Variants in CDK14 observed in about 807,000 individuals in gnomAD.
The protein encoded by CDK14 is cyclin dependent kinase 14, also known as cyclin-dependent kinase 14.
CDK14 carries 34 observed loss-of-function variants against 60.7 expected under a neutral mutation model. That is an observed-to-expected ratio of 0.56 (90% CI 0.43 to 0.75). The LOEUF is 0.75. CDK14 is among the 30% of genes least tolerant of loss of function. The probability of loss-of-function intolerance (pLI) is 0.00; values close to 1 mark genes in which losing one functional copy is unlikely to be tolerated. For missense variants in CDK14, 482 were observed against 564.1 expected, an observed-to-expected ratio of 0.85 and a Z score of 1.47; for synonymous variants, 197 against 203.7, an observed-to-expected ratio of 0.97 and a Z score of 0.28.
At chr7:90,964,240 C>T (rs140239074) in intron 9 of CDK14, among the ~76,000 whole-genome samples, 2 of 152,186 alleles carry the variant, frequency 1.3e-5, no homozygotes, top group Non-Finnish European at 2.9e-5. Context: ...TCCTTCGTGG[C>T]CTTCCCCAGC....
At chr7:90,989,254 A>G (rs1795466112) in intron 10 of CDK14, among the ~76,000 whole-genome samples, 1 of 152,134 alleles carries the variant, frequency 6.6e-6, no homozygotes, top group Non-Finnish European at 1.5e-5. Flanking sequence ...GTAGAATGTA[A>G]GGGAAAGCTG....
At chr7:90,811,760 C>T (rs1789128135) in intron 5 of CDK14, among the ~76,000 whole-genome samples, 1 of 151,860 alleles carries the variant, frequency 6.6e-6, no homozygotes, top group African/African-American at 2.4e-5. Flanking sequence ...TGAACTCAAA[C>T]AAATTTACAA....
chr7:90,778,845 G>A (rs76085689), intron 4 of CDK14, among the ~76,000 whole-genome samples: 1 of 117,660 alleles, frequency 8.5e-6, no homozygotes, highest in South Asian at 2.7e-4. Flanking sequence ...AAAATTGACC[G>A]ACCTTCCTTC....
chr7:91,200,026 C>T (rs1398221207), intron 14 of CDK14, among the ~76,000 whole-genome samples: 1 of 152,184 alleles, frequency 6.6e-6, no homozygotes, highest in East Asian at 1.9e-4. Flanking sequence ...TTTCCTCCAA[C>T]TCCTACCCCC....
intron 2 of CDK14, among the ~76,000 whole-genome samples, chr7:90,608,220 T>G (rs765218197): frequency 6.6e-6 from 1 of 152,230 alleles, no homozygotes; most frequent in Non-Finnish European, 1.5e-5. Flanking sequence ...TTTCCTGGAA[T>G]AATGAACAAT....
At chr7:90,960,311 A>G (rs1276348881) in intron 9 of CDK14, among the ~76,000 whole-genome samples, 1 of 152,116 alleles carries the variant, frequency 6.6e-6, no homozygotes, top group Non-Finnish European at 1.5e-5. Flanking sequence ...GTACTCCCCA[A>G]CACCCCAACA....
intron 5 of CDK14, among the ~76,000 whole-genome samples, chr7:90,849,866 T>A (rs1460857150): frequency 1.3e-5 from 2 of 152,056 alleles, no homozygotes; most frequent in Non-Finnish European, 2.9e-5. Flanking sequence ...TGATACTGTC[T>A]TATTGTTAAC....
chr7:90,886,912 T>C (rs929550867), intron 6 of CDK14, among the ~76,000 whole-genome samples: 5 of 152,018 alleles, frequency 3.3e-5, no homozygotes, highest in African/African-American at 1.2e-4. Flanking sequence ...GCAAAGCTAG[T>C]AGTAAAAAAA....
chr7:90,963,861 G>A (rs1046177362), intron 9 of CDK14, among the ~76,000 whole-genome samples: 6 of 151,424 alleles, frequency 4.0e-5, no homozygotes, highest in Non-Finnish European at 7.4e-5. Context: ...GATTACAGGC[G>A]CCCACTACCA....
At position 90,675,419 on chromosome 7, in the gene CDK14, A is replaced by G. The variant is rs138963407; in HGVS notation, c.124-51148A>G. ...TATAGGATTTTTTTTTCCTAAATGAATGCTGTCATAGATCATGTAGAGCTT... is the reference window on the plus strand; with the variant it reads ...TATAGGATTTTTTTTTCCTAAATGAGTGCTGTCATAGATCATGTAGAGCTT... On this transcript the variant is annotated intron_variant, in intron 2 of 14. Transcript: ENST00000380050. Among the ~76,000 whole-genome samples, 360 of 152,226 alleles carry G rather than the reference A, an allele frequency of 2.4e-3. 1 individual carries two copies. Among genetic ancestry groups the G allele is most frequent in the Non-Finnish European group, 4.1e-3 (279 of 68,008 alleles).
intron 7 of CDK14, among the ~76,000 whole-genome samples, chr7:90,910,375 C>T (rs888980111): frequency 6.6e-6 from 1 of 152,124 alleles, no homozygotes; most frequent in East Asian, 1.9e-4. Context: ...CCTAGTATTG[C>T]AGTTAAACCA....
chr7:91,131,225 C>T (rs1800106740), intron 14 of CDK14, among the ~76,000 whole-genome samples: 1 of 151,744 alleles, frequency 6.6e-6, no homozygotes, highest in Admixed American at 6.6e-5. Context: ...TTTTTATGAC[C>T]TGGATGCTTT....
intron 5 of CDK14, among the ~76,000 whole-genome samples, chr7:90,816,078 A>T (rs1030806741): frequency 2.0e-4 from 30 of 152,200 alleles, no homozygotes; most frequent in African/African-American, 7.0e-4. Context: ...AGAACTTAAA[A>T]TTTTTTTAAA....
intron 8 of CDK14, among the ~76,000 whole-genome samples, chr7:90,934,226 C>T (rs1157253375): frequency 3.3e-5 from 5 of 152,232 alleles, no homozygotes; most frequent in Non-Finnish European, 7.3e-5. Context: ...GCCAGTCAGG[C>T]GGGACTTAGG....
intron 2 of CDK14, among the ~76,000 whole-genome samples, chr7:90,640,188 G>A (rs1403463849): frequency 6.6e-6 from 1 of 152,032 alleles, no homozygotes; most frequent in African/African-American, 2.4e-5. Context: ...AGATGGAAAT[G>A]CAGAAATCAC....
intron 3 of CDK14, among the ~76,000 whole-genome samples, chr7:90,739,643 A>G (rs1042832690): frequency 6.6e-6 from 1 of 152,182 alleles, no homozygotes; most frequent in Non-Finnish European, 1.5e-5. Flanking sequence ...CTAAGTAGTC[A>G]TTAGCAGTTT....
chr7:91,061,273 G>T (rs1297659467), intron 11 of CDK14, among the ~76,000 whole-genome samples: 1 of 152,114 alleles, frequency 6.6e-6, no homozygotes, highest in East Asian at 1.9e-4. Context: ...GGACTTCTCT[G>T]CATTGGTTAT....
intron 12 of CDK14, among the ~76,000 whole-genome samples, chr7:91,098,525 G>GA (rs1161596769): frequency 2.0e-4 from 27 of 134,672 alleles, no homozygotes; most frequent in East Asian, 2.2e-4. Context: ...AAGAAAGAAA[G>GA]AGAAAAAAAA....
chr7:90,688,864 A>G (rs1467127564), intron 2 of CDK14, among the ~76,000 whole-genome samples: 2 of 152,194 alleles, frequency 1.3e-5, no homozygotes, highest in Non-Finnish European at 2.9e-5. Context: ...CCCAAAAGCC[A>G]TAATGAATTT....
Sources: gnomAD v4.1 joint callset for allele counts (sites outside exome capture counted in the v4.1 genomes callset) on GRCh38, gnomAD v4.1.1 for gene constraint, MANE v1.5 for transcripts, NCBI Gene and HGNC (gene_info 2026-07-23, HGNC 2026-07-21) for gene names.